NOTCH1: variants seen among roughly 807,000 people sequenced by gnomAD.
NOTCH1 encodes the protein neurogenic locus notch homolog protein 1.
In NOTCH1, 37 loss-of-function variants were observed where a neutral mutation model predicts 254.8. The ratio of observed to expected loss-of-function variants is 0.15; its 90% CI spans 0.11 to 0.19. The LOEUF (loss-of-function observed/expected upper bound fraction) is 0.19. Ranked by LOEUF, NOTCH1 falls within the 10% of genes least tolerant of loss-of-function variation. The pLI, the probability that NOTCH1 is intolerant of heterozygous loss-of-function variation, is 1.00. For synonymous variants in NOTCH1, 1,731 were observed against 1,618.1 expected, an observed-to-expected ratio of 1.07 and a Z score of -1.68; for missense variants, 2,972 against 3,708.6, an observed-to-expected ratio of 0.80 and a Z score of 5.16.
rs374352922 is a variant in NOTCH1, at chr9:136,505,523, G to T, written c.4373C>A (p.Ala1458Glu). 1.2e-6 allele frequency: 2 copies of T among 1,612,404 alleles called. No individual in the cohort carries two copies. Among genetic ancestry groups the T allele is most frequent in the South Asian group, 2.2e-5 (2 of 91,076 alleles). ...ACELPECQED[A>E]GNKVCSLQCN... The stretch of plus-strand genomic sequence containing the variant: ...CTGCAGGCTGCAGACCTTGTTGCCC[G>T]CGTCCTCCTGGCACTCGGGCAGCTC... The change falls in exon 25 of 34, where the codon GCG becomes GAG. Residue 1458 changes from alanine to glutamate, a missense_variant. By Grantham distance (107) the Ala-to-Glu change is moderately radical. Coordinates refer to ENST00000651671, the MANE Select transcript of NOTCH1 (RefSeq NM_017617.5).
At chr9:136,527,944 C>A (rs1038908528) in intron 2 of NOTCH1, among the ~76,000 whole-genome samples, 1 of 152,172 alleles carries the variant, frequency 6.6e-6, no homozygotes, top group Non-Finnish European at 1.5e-5. Flanking sequence ...CCACTCCCAC[C>A]CTCCCTGCCA....
intron 2 of NOTCH1, 76 bp downstream of exon 2, chr9:136,543,946 TTC>T: frequency 7.5e-7 from 1 of 1,330,720 alleles, no homozygotes; most frequent in East Asian, 2.5e-5. Context: ...TGGCCTAGTG[TTC>T]TGTCCCCTGC....
At chr9:136,521,258 C>A (rs1422198796) in intron 4 of NOTCH1, among the ~76,000 whole-genome samples, 1 of 152,070 alleles carries the variant, frequency 6.6e-6, no homozygotes, top group Non-Finnish European at 1.5e-5. Flanking sequence ...AGTGAGCACA[C>A]CCCTCACCGG....
In NOTCH1 at chr9:136,506,707, G is replaced by T; in HGVS notation, c.3901+9C>A. On this transcript the variant is annotated intron_variant, in intron 23 of 33. Transcript: ENST00000651671. This position sits in a 1 kb window ranked among gnomAD's most constrained non-coding sequence, Gnocchi z 4.5. Reference sequence around the variant, plus strand: ...CCACACGCCCCACCCGCCTGGGCGCGGCACCCACCGGTGTGACCAGCACGG... The same window carrying T: ...CCACACGCCCCACCCGCCTGGGCGCTGCACCCACCGGTGTGACCAGCACGG... 1.3e-6 allele frequency: 2 copies of T among 1,596,498 alleles called. No individual in the cohort carries two copies. The highest frequency in any genetic ancestry group is 1.7e-6 in the Non-Finnish European group (2 of 1,172,314).
chr9:136,501,067 T>C (rs1842987526), intron 30 of NOTCH1, among the ~76,000 whole-genome samples: 1 of 152,196 alleles, frequency 6.6e-6, no homozygotes, highest in African/African-American at 2.4e-5. Flanking sequence ...GGGCAACTGC[T>C]TCCTGACCTG....
chr9:136,494,952 C>T lies in NOTCH1; in HGVS notation c.*1119G>A, dbSNP rs1193622148. Reference sequence around the variant, plus strand: ...GACCGCATGCCCCCTGCCAGGGCTGCGGGGACAGGACCAAAGGACGCAGCC... The same window carrying T: ...GACCGCATGCCCCCTGCCAGGGCTGTGGGGACAGGACCAAAGGACGCAGCC... On this transcript the variant is annotated 3_prime_UTR_variant, in exon 34 of 34. Transcript: ENST00000651671. The T allele has an allele frequency of 2.0e-5, 8 of 398,702 alleles. No individual in the cohort carries two copies. The highest frequency in any genetic ancestry group is 7.1e-5 in the East Asian group (2 of 28,218). The allele number at this position is 398,702 out of a possible 1,614,324, so 24.7% of individuals were successfully genotyped here.
At chr9:136,539,914 T>G (rs1383242285) in intron 2 of NOTCH1, among the ~76,000 whole-genome samples, 2 of 152,022 alleles carry the variant, frequency 1.3e-5, no homozygotes, top group Non-Finnish European at 2.9e-5. Context: ...TCCTCTTCTT[T>G]TAAGGGGAAG....
chr9:136,511,019 T>C, intron 16 of NOTCH1, 133 bp downstream of exon 16: 2 of 1,463,248 alleles, frequency 1.4e-6, no homozygotes, highest in Non-Finnish European at 1.9e-6. Flanking sequence ...TTCCAGAACT[T>C]CTCCGACCAG....
Position 136,505,796 on chromosome 9 carries a change from G to A in NOTCH1, c.4100C>T (p.Pro1367Leu), listed in dbSNP as rs758787267. The A allele has an allele frequency of 1.1e-5, 18 of 1,584,104 alleles. No individual in the cohort carries two copies. Among genetic ancestry groups the A allele is most frequent in the African/African-American group, 4.0e-5 (3 of 74,398 alleles). ...CLNGGTCISG[P>L]RSPTCLCLGP... Reference sequence around the variant, plus strand: ...CAGGCACAGGCAGGTGGGGCTGCGCGGGCCGGAGATGCATGTGCCGCCGTT... The same window carrying A: ...CAGGCACAGGCAGGTGGGGCTGCGCAGGCCGGAGATGCATGTGCCGCCGTT... The change falls in exon 25 of 34, where the codon CCG (proline) becomes CTG (leucine). Residue 1367 changes from proline (P) to leucine (L), a missense_variant. Transcript: ENST00000651671.
intron 2 of NOTCH1, among the ~76,000 whole-genome samples, chr9:136,533,460 G>A (rs1467645060): frequency 6.6e-6 from 1 of 152,260 alleles, no homozygotes; most frequent in African/African-American, 2.4e-5. Context: ...CCACCACGCG[G>A]CCCTGCTGTG....
intron 2 of NOTCH1, among the ~76,000 whole-genome samples, chr9:136,532,821 C>T (rs552080816): frequency 6.6e-6 from 1 of 152,342 alleles, no homozygotes; most frequent in South Asian, 2.1e-4. Flanking sequence ...GTGTTGTTGA[C>T]CCAGTGCCAC....
At chr9:136,544,975 G>A (rs1374465034) in intron 1 of NOTCH1, among the ~76,000 whole-genome samples, 1 of 152,204 alleles carries the variant, frequency 6.6e-6, no homozygotes, top group South Asian at 2.1e-4. Flanking sequence ...TCCAACTCTC[G>A]GAGAAAGAGT....
In NOTCH1 at chr9:136,506,008, GC is replaced by G; in HGVS notation, c.4015-128del. ...AACCTGGGAGGCGGCCTGCAACCTT[GC>G]CCCCAGCAGCAAAACCCTTTACACA... is the stretch of plus-strand genomic sequence containing the variant. On this transcript the variant is annotated intron_variant, in intron 24 of 33. Transcript: ENST00000651671. This position sits in a 1 kb window ranked among gnomAD's most constrained non-coding sequence, Gnocchi z 4.5. The G allele has an allele frequency of 2.6e-6, 2 of 778,810 alleles. No individual in the cohort carries two copies. Among genetic ancestry groups the G allele is most frequent in the Non-Finnish European group, 2.0e-6 (1 of 495,004 alleles). The allele number at this position is 778,810 out of a possible 1,614,324, so 48.2% of individuals were successfully genotyped here.
At position 136,494,691 on chromosome 9, in the gene NOTCH1, G is replaced by A. The variant is rs59626418; in HGVS notation, c.*1380C>T. The A allele has an allele frequency of 2.0e-4, 79 of 398,690 alleles. 1 individual carries two copies. Among genetic ancestry groups the A allele is most frequent in the African/African-American group, 1.3e-3 (64 of 48,744 alleles). 24.7% of individuals were successfully genotyped at this position (398,690 alleles called of 1,614,324 possible). On this transcript the variant is annotated 3_prime_UTR_variant, in exon 34 of 34. Coordinates refer to ENST00000651671, the MANE Select transcript of NOTCH1 (RefSeq NM_017617.5). ...AGTGCAGGCGGCACGGCAGCGGAGC[G>A]TCCCCAGTGCATGGGCGGCTAAGGC...
intron 10 of NOTCH1, 120 bp from the exon 11 acceptor site, chr9:136,515,836 C>T: frequency 8.6e-7 from 1 of 1,157,300 alleles, no homozygotes; most frequent in Non-Finnish European, 1.2e-6. Flanking sequence ...GGCATTCCCA[C>T]CTACTCAGGA....
In NOTCH1 at chr9:136,503,341, A is replaced by G. The variant is rs758314710; in HGVS notation, c.5019-11T>C. On this transcript the variant is annotated splice_polypyrimidine_tract_variant and intron_variant, in intron 26 of 33. Coordinates refer to ENST00000651671, the MANE Select transcript of NOTCH1 (RefSeq NM_017617.5). ...AGGTAGACGATGGAGCTGGGCGGAC[A>G]ATCAGAGAGGGGCTGGGACCCGAGG... The G allele has an allele frequency of 5.6e-6, 9 of 1,611,456 alleles. No homozygotes were observed. The highest frequency in any genetic ancestry group is 7.6e-6 in the Non-Finnish European group (9 of 1,179,804).
In NOTCH1 at chr9:136,510,765, G is replaced by A. The variant is rs770888728; in HGVS notation, c.2628C>T (p.Ser876=). Reference sequence around the variant, plus strand: ...GGCAGGATGCGCCGTGCCGGCACGGGCTCAGAACGCACTCGTTGATGTCGA... The same window carrying A: ...GGCAGGATGCGCCGTGCCGGCACGGACTCAGAACGCACTCGTTGATGTCGA... The part of the protein sequence containing the change: ...CEVDINECVL[S]PCRHGASCQN... The change falls in exon 17 of 34, where the codon AGC becomes AGT. Residue 876 remains serine, a synonymous_variant. Transcript: ENST00000651671. 7 of 1,610,352 alleles carry A rather than the reference G, an allele frequency of 4.3e-6. No individual in the cohort carries two copies. Among genetic ancestry groups the A allele is most frequent in the Non-Finnish European group, 5.9e-6 (7 of 1,179,876 alleles).
At chr9:136,525,330 C>A in intron 2 of NOTCH1, among the ~76,000 whole-genome samples, 1 of 152,202 alleles carries the variant, frequency 6.6e-6, no homozygotes, top group East Asian at 1.9e-4. Flanking sequence ...CAGAGCCTGC[C>A]CCCCCCAGCC....
intron 2 of NOTCH1, among the ~76,000 whole-genome samples, chr9:136,533,339 T>TGAA (rs559018161): frequency 9.4e-4 from 45 of 47,762 alleles, no homozygotes; most frequent in Admixed American, 1.2e-3. Flanking sequence ...TGAAAAGCCG[T>TGAA]CAGGGAAACC....
Sources: gnomAD v4.1 joint callset for allele counts (sites outside exome capture counted in the v4.1 genomes callset) on GRCh38, gnomAD v4.1.1 for gene constraint, Gnocchi (gnomAD v3.1) non-coding constraint, MANE v1.5 for transcripts, NCBI Gene and HGNC (gene_info 2026-07-23, HGNC 2026-07-21) for gene names.